Variants in FYN observed in about 807,000 individuals in gnomAD.
FYN encodes the protein tyrosine-protein kinase Fyn.
A neutral mutation model predicts 70.2 loss-of-function variants in FYN; 10 were observed. The observed-to-expected ratio is 0.14, with a 90% CI of 0.09 to 0.24. The LOEUF (loss-of-function observed/expected upper bound fraction) is 0.24. Ranked by LOEUF, FYN falls within the 10% of genes least tolerant of loss-of-function variation. The pLI is 1.00. For missense variants in FYN, 319 were observed against 673.1 expected, an observed-to-expected ratio of 0.47 and a Z score of 5.82; for synonymous variants, 236 against 248.6, an observed-to-expected ratio of 0.95 and a Z score of 0.48.
intron 1 of FYN, among the ~76,000 whole-genome samples, chr6:111,869,141 G>A (rs1198635990): frequency 6.6e-6 from 1 of 152,242 alleles, no homozygotes; most frequent in Admixed American, 6.5e-5. Context: ...AGCCTGTGGA[G>A]AACAGGGACT....
chr6:111,714,462 CAAG>C lies in FYN; in HGVS notation c.248-22_248-20del. The C allele has an allele frequency of 1.3e-6, 2 of 1,545,562 alleles. No homozygotes were observed. Among genetic ancestry groups the C allele is most frequent in the African/African-American group, 1.4e-5 (1 of 73,616 alleles). On this transcript the variant is annotated intron_variant, in intron 4 of 13. Coordinates refer to ENST00000354650, the MANE Select transcript of FYN (RefSeq NM_002037.5). ...GTCACTCCTGCCGAAACGAAATTCA[CAAG>C]AAGGGAGATTATTACACAAGGGGAA...
At chr6:111,733,839 G>T (rs897280660) in intron 3 of FYN, among the ~76,000 whole-genome samples, 10 of 152,204 alleles carry the variant, frequency 6.6e-5, no homozygotes, top group African/African-American at 2.4e-4. Context: ...TGTAATCCCA[G>T]CACTTTGGGA....
chr6:111,740,264 A>G (rs1213548191), intron 3 of FYN, among the ~76,000 whole-genome samples: 2 of 152,256 alleles, frequency 1.3e-5, no homozygotes, highest in East Asian at 3.8e-4. Context: ...TTATCCTGAG[A>G]ACAAAAATGT....
At chr6:111,686,968 GA>G (rs1332314822) in intron 12 of FYN, among the ~76,000 whole-genome samples, 1 of 152,246 alleles carries the variant, frequency 6.6e-6, no homozygotes, top group African/African-American at 2.4e-5. Context: ...AAATTCGAAA[GA>G]AACAGGGATC....
intron 4 of FYN, among the ~76,000 whole-genome samples, chr6:111,718,491 C>T (rs1036865573): frequency 2.6e-5 from 4 of 152,172 alleles, no homozygotes; most frequent in Non-Finnish European, 4.4e-5. Flanking sequence ...ATGATACCTG[C>T]AGACCCAGGG....
intron 12 of FYN, among the ~76,000 whole-genome samples, chr6:111,693,601 T>A (rs1300704139): frequency 6.6e-5 from 10 of 152,144 alleles, no homozygotes; most frequent in Non-Finnish European, 5.9e-5. Flanking sequence ...ATATTTTACT[T>A]AAAGGCTAAT....
At chr6:111,770,906 G>A (rs1803426717) in intron 3 of FYN, among the ~76,000 whole-genome samples, 1 of 152,146 alleles carries the variant, frequency 6.6e-6, no homozygotes, top group African/African-American at 2.4e-5. Context: ...CCGCCACAGT[G>A]GGGATCAAAT....
At chr6:111,671,857 T>C (rs1477118126) in intron 13 of FYN, among the ~76,000 whole-genome samples, 1 of 152,254 alleles carries the variant, frequency 6.6e-6, no homozygotes, top group Non-Finnish European at 1.5e-5. Context: ...ATCCTATAAT[T>C]GGAATCCCTC....
chr6:111,764,712 C>T (rs543305561), intron 3 of FYN, among the ~76,000 whole-genome samples: 31 of 152,142 alleles, frequency 2.0e-4, no homozygotes, highest in African/African-American at 6.3e-4. Context: ...TGTCTTAACT[C>T]GTAGAGCTAA....
At chr6:111,699,397 G>A (rs541959256) in intron 9 of FYN, 81 of 1,072,542 alleles carry the variant, frequency 7.6e-5, no homozygotes, top group Non-Finnish European at 1.0e-4. Flanking sequence ...GCCTGTGCCC[G>A]TCTAGTTATC....
intron 1 of FYN, among the ~76,000 whole-genome samples, chr6:111,857,413 T>C (rs1487574438): frequency 6.6e-6 from 1 of 152,100 alleles, no homozygotes; most frequent in African/African-American, 2.4e-5. Flanking sequence ...AAACATCAGG[T>C]GGAAAACTCT....
chr6:111,798,108 T>C (rs1022395847), intron 2 of FYN, among the ~76,000 whole-genome samples: 2 of 152,140 alleles, frequency 1.3e-5, no homozygotes, highest in Non-Finnish European at 2.9e-5. Context: ...TATGGTGTGA[T>C]TAAGAGATAT....
rs1014698570 is a variant in FYN, at chr6:111,719,825, A to C, written c.227T>G (p.Leu76Trp). 6.2e-7 allele frequency: 1 copy of C among 1,614,036 alleles called. No individual in the cohort carries two copies. The highest frequency in any genetic ancestry group is 8.5e-7 in the Non-Finnish European group (1 of 1,179,956). The part of the protein sequence containing the change: ...GVNSSSHTGT[L>W]RTRGGTGVTL... The stretch of plus-strand genomic sequence containing the variant: ...CTTACCTGTTCCTCCTCTCGTACGC[A>C]AGGTCCCCGTATGAGACGAAGAGTT... The change falls in exon 4 of 14, where the codon TTG (leucine) becomes TGG (tryptophan). Residue 76 changes from leucine (L) to tryptophan (W), a missense_variant. Leu to Trp is a moderately conservative substitution (Grantham distance 61). This residue lies in a region of FYN where 128 missense variants were observed against 183.9 expected (regional missense o/e 0.70). Coordinates refer to ENST00000354650, the MANE Select transcript of FYN (RefSeq NM_002037.5).
chr6:111,726,752 G>A (rs1307474973), intron 3 of FYN, among the ~76,000 whole-genome samples: 1 of 152,178 alleles, frequency 6.6e-6, no homozygotes, highest in Non-Finnish European at 1.5e-5. Context: ...ACCTCAAATT[G>A]TAATCCCTAT....
chr6:111,836,562 C>G (rs902708292), intron 2 of FYN, among the ~76,000 whole-genome samples: 19 of 152,098 alleles, frequency 1.2e-4, no homozygotes, highest in African/African-American at 4.3e-4. Context: ...CCCAGGAGTT[C>G]AAGACCAGCC....
At chr6:111,743,203 G>A (rs1438354304) in intron 3 of FYN, among the ~76,000 whole-genome samples, 1 of 152,124 alleles carries the variant, frequency 6.6e-6, no homozygotes, top group Non-Finnish European at 1.5e-5. Flanking sequence ...CTGACCTCGT[G>A]ATCTGCCCAC....
At chr6:111,800,584 A>G (rs1771954130) in intron 2 of FYN, among the ~76,000 whole-genome samples, 1 of 152,248 alleles carries the variant, frequency 6.6e-6, no homozygotes, top group Non-Finnish European at 1.5e-5. Flanking sequence ...AATCTGTCAC[A>G]GGCTCATCCC....
intron 2 of FYN, among the ~76,000 whole-genome samples, chr6:111,823,100 G>A (rs1772724190): frequency 6.6e-6 from 1 of 152,218 alleles, no homozygotes; most frequent in Admixed American, 6.5e-5. Flanking sequence ...CACGTTACCA[G>A]ATGGGTACAG....
At chr6:111,831,278 C>A (rs1309132612) in intron 2 of FYN, among the ~76,000 whole-genome samples, 1 of 152,056 alleles carries the variant, frequency 6.6e-6, no homozygotes, top group Non-Finnish European at 1.5e-5. Context: ...AATTTAAGAA[C>A]CAAAGAATAA....
Sources: allele counts gnomAD v4.1 joint callset (sites outside exome capture counted in the v4.1 genomes callset), GRCh38; gene constraint gnomAD v4.1.1; regional missense constraint gnomAD v4.1.1; transcripts MANE v1.5; gene names NCBI Gene and HGNC (gene_info 2026-07-23, HGNC 2026-07-21).